Variants in SPATA31E1 observed in about 807,000 individuals in gnomAD.
SPATA31E1 encodes the protein spermatogenesis-associated protein 31E1.
In SPATA31E1, 7 loss-of-function variants were observed where a neutral mutation model predicts 12.9. The observed-to-expected ratio is 0.54, with a 90% CI of 0.31 to 1.02. The LOEUF (loss-of-function observed/expected upper bound fraction) is 1.02. SPATA31E1 is among the 50% of genes least tolerant of loss of function. SPATA31E1 has a pLI of 0.05. For synonymous variants in SPATA31E1, 771 were observed against 719.0 expected (o/e 1.07, Z -1.16); for missense variants, 1,961 against 1,799.8 (o/e 1.09, Z -1.62).
Position 87,884,991 on chromosome 9 carries a change from A to C in SPATA31E1, c.504A>C (p.Pro168=). Reference sequence around the variant, plus strand: ...ACCCCCTGGGGGACGTGTGTAAACCAGTGCCTGCTAAGGCCCACCAGCCGC... The same window carrying C: ...ACCCCCTGGGGGACGTGTGTAAACCCGTGCCTGCTAAGGCCCACCAGCCGC... ...GGDPLGDVCK[P]VPAKAHQPHG... The change falls in exon 4 of 4, where the codon CCA becomes CCC. Residue 168 remains proline (P), a synonymous_variant. Transcript: ENST00000325643. 1 of 1,614,042 alleles carries C rather than the reference A, an allele frequency of 6.2e-7. No individual in the cohort carries two copies. Among genetic ancestry groups the C allele is most frequent in the Non-Finnish European group, 8.5e-7 (1 of 1,179,974 alleles).
At position 87,885,541 on chromosome 9, in the gene SPATA31E1, G is replaced by C; in HGVS notation, c.1054G>C (p.Gly352Arg). The C allele has an allele frequency of 2.5e-6, 4 of 1,614,194 alleles. No individual in the cohort carries two copies. The highest frequency in any genetic ancestry group is 1.1e-5 in the South Asian group (1 of 91,084). The change falls in exon 4 of 4, where the codon GGT becomes CGT. Residue 352 changes from glycine (G) to arginine (R), a missense_variant. Coordinates refer to ENST00000325643, the MANE Select transcript of SPATA31E1 (RefSeq NM_178828.5). ...GDPTPKHMEV[G>R]GCTFIHPDVQ... ...CCCCACACCCAAGCACATGGAGGTA[G>C]GTGGCTGCACATTCATCCACCCTGA... is the stretch of plus-strand genomic sequence containing the variant.
Position 87,887,254 on chromosome 9 carries a change from C to T in SPATA31E1, c.2767C>T (p.Pro923Ser), listed in dbSNP as rs774531463. Residue 923 changes from proline (P) to serine (S), a missense_variant, in exon 4 of 4, where the codon CCA (proline) becomes TCA (serine). By Grantham distance (74) the Pro-to-Ser change is moderately conservative (BLOSUM62 -1). Coordinates refer to ENST00000325643, the MANE Select transcript of SPATA31E1 (RefSeq NM_178828.5). ...VPTVSGPLAAPPPEQEGVQRP... is the reference protein window; with the variant it reads ...VPTVSGPLAASPPEQEGVQRP... ...GACCGTGAGTGGCCCTCTCGCTGCCCCACCGCCTGAGCAGGAGGGAGTCCA... is the reference window on the plus strand; with the variant it reads ...GACCGTGAGTGGCCCTCTCGCTGCCTCACCGCCTGAGCAGGAGGGAGTCCA... 2 of 1,614,016 alleles carry T rather than the reference C, an allele frequency of 1.2e-6. No homozygotes were observed.
rs774121345 is a variant in SPATA31E1 at position 87,884,999 on chromosome 9, C to T, written c.512C>T (p.Ala171Val). ...PLGDVCKPVP[A>V]KAHQPHGKCM... is the part of the protein sequence containing the mutation. Reference sequence around the variant, plus strand: ...GGGGACGTGTGTAAACCAGTGCCTGCTAAGGCCCACCAGCCGCATGGGAAA... The same window carrying T: ...GGGGACGTGTGTAAACCAGTGCCTGTTAAGGCCCACCAGCCGCATGGGAAA... The change falls in exon 4 of 4, where the codon GCT becomes GTT. Residue 171 changes from alanine (A) to valine (V), a missense_variant. Transcript: ENST00000325643. 1.9e-6 allele frequency: 3 copies of T among 1,614,144 alleles called. No individual in the cohort carries two copies. The highest frequency in any genetic ancestry group is 2.5e-6 in the Non-Finnish European group (3 of 1,180,004).
chr9:87,886,615 T>A lies in SPATA31E1; in HGVS notation c.2128T>A (p.Ser710Thr). Residue 710 changes from serine to threonine, a missense_variant, in exon 4 of 4, where the codon TCC (serine) becomes ACC (threonine). Coordinates refer to ENST00000325643, the MANE Select transcript of SPATA31E1 (RefSeq NM_178828.5). ...GRFSDKGCLG[S>T]KLGPDPSRDQ... ...GTTCTCTGACAAGGGGTGCTTAGGGTCCAAACTAGGGCCGGACCCAAGCCG... is the reference window on the plus strand; with the variant it reads ...GTTCTCTGACAAGGGGTGCTTAGGGACCAAACTAGGGCCGGACCCAAGCCG... The A allele has an allele frequency of 6.2e-7, 1 of 1,613,676 alleles. No homozygotes were observed. Among genetic ancestry groups the A allele is most frequent in the Admixed American group, 1.7e-5 (1 of 59,988 alleles).
rs1828321587 is a variant in SPATA31E1, at chr9:87,888,133, G to A, written c.3646G>A (p.Gly1216Arg). 1 of 1,609,214 alleles carries A rather than the reference G, an allele frequency of 6.2e-7. No individual in the cohort carries two copies. Among genetic ancestry groups the A allele is most frequent in the Non-Finnish European group, 8.5e-7 (1 of 1,177,808 alleles). ...AHRRPRTGEQ[G>R]HRSKGPRTSE... ...CAGGAGGCCCAGAACAGGGGAGCAG[G>A]GACACAGGTCCAAGGGACCCAGGAC... The change falls in exon 4 of 4, where the codon GGA (glycine) becomes AGA (arginine). Residue 1216 changes from glycine to arginine, a missense_variant. Transcript: ENST00000325643.
chr9:87,884,564 A>T (rs775270425), intron 2 of SPATA31E1, 27 bp from the exon 3 acceptor site: 1 of 1,613,996 alleles, frequency 6.2e-7, no homozygotes, highest in East Asian at 2.2e-5. Flanking sequence ...CGCCCTCTCC[A>T]CCATAACCCT....
chr9:87,883,447 G>A (rs1828205730), intron 1 of SPATA31E1, among the ~76,000 whole-genome samples: 1 of 152,154 alleles, frequency 6.6e-6, no homozygotes, highest in South Asian at 2.1e-4. Context: ...CGGGTCAGGA[G>A]AGGGGTGAGG....
Position 87,887,242 on chromosome 9 carries a change from C to T in SPATA31E1, c.2755C>T (p.Pro919Ser), listed in dbSNP as rs2117889556. 1 of 1,613,962 alleles carries T rather than the reference C, an allele frequency of 6.2e-7. No individual in the cohort carries two copies. The highest frequency in any genetic ancestry group is 8.5e-7 in the Non-Finnish European group (1 of 1,179,994). Residue 919 changes from proline to serine, a missense_variant, in exon 4 of 4, where the codon CCT (proline) becomes TCT (serine). Pro to Ser is a moderately conservative substitution (Grantham distance 74). Transcript: ENST00000325643. Reference protein sequence around the residue: ...TSKSVPTVSGPLAAPPPEQEG... With the variant: ...TSKSVPTVSGSLAAPPPEQEG... Reference sequence around the variant, plus strand: ...CAAGTCAGTCCCGACCGTGAGTGGCCCTCTCGCTGCCCCACCGCCTGAGCA... The same window carrying T: ...CAAGTCAGTCCCGACCGTGAGTGGCTCTCTCGCTGCCCCACCGCCTGAGCA...
intron 1 of SPATA31E1, 71 bp from the exon 2 acceptor site, chr9:87,883,921 G>A (rs1231913951): frequency 6.5e-6 from 10 of 1,532,820 alleles, no homozygotes; most frequent in African/African-American, 5.5e-5. Context: ...TGAGCACTGC[G>A]TGTGTGCAGC....
chr9:87,884,058 C>G lies in SPATA31E1; in HGVS notation c.364+12C>G, dbSNP rs753459972. ...CTCAGCTCTGAAAGGTGAGGCTCTGCTGCCCCCCGGGACTCCCCAGAGGTA... is the reference window on the plus strand; with the variant it reads ...CTCAGCTCTGAAAGGTGAGGCTCTGGTGCCCCCCGGGACTCCCCAGAGGTA... On this transcript the variant is annotated intron_variant, in intron 2 of 3. Transcript: ENST00000325643. 6.3e-7 allele frequency: 1 copy of G among 1,592,102 alleles called. No individual in the cohort carries two copies. Among genetic ancestry groups the G allele is most frequent in the East Asian group, 2.3e-5 (1 of 44,026 alleles).
chr9:87,888,708 G>A lies in SPATA31E1; in HGVS notation c.4221G>A (p.Arg1407=), dbSNP rs1181683487. Residue 1407 remains arginine (R), a synonymous_variant, in exon 4 of 4, where the codon AGG becomes AGA. Coordinates refer to ENST00000325643, the MANE Select transcript of SPATA31E1 (RefSeq NM_178828.5). ...DRDSSWAPPP[R]EPVSPAGPHH... ...ACAGCAGTTGGGCCCCACCTCCCAG[G>A]GAGCCTGTGTCCCCAGCTGGTCCCC... 5 of 1,613,934 alleles carry A rather than the reference G, an allele frequency of 3.1e-6. No homozygotes were observed. The highest frequency in any genetic ancestry group is 2.5e-6 in the Non-Finnish European group (3 of 1,180,006).
In SPATA31E1 at chr9:87,882,891, G is replaced by T. The variant is rs201386756; in HGVS notation, c.-1G>T. The T allele has an allele frequency of 7.5e-6, 12 of 1,609,438 alleles. No homozygotes were observed. The Admixed American group carries it at 1.0e-4, about 13-fold the overall frequency. On this transcript the variant is annotated 5_prime_UTR_variant, in exon 1 of 4. Transcript: ENST00000325643. ...GCCCAGAGCTCAGTTGCTTGAAGGCGATGGGAAATCTCGTCATCCCTCTAG... is the reference window on the plus strand; with the variant it reads ...GCCCAGAGCTCAGTTGCTTGAAGGCTATGGGAAATCTCGTCATCCCTCTAG...
In SPATA31E1 at chr9:87,886,941, G is replaced by C; in HGVS notation, c.2454G>C (p.Val818=). The part of the protein sequence containing the change: ...LASWRGGKAH[V]NTSQELSFLH... ...CCTGGAGGGGTGGGAAAGCCCACGT[G>C]AACACCTCCCAGGAGCTTTCCTTCC... is the stretch of plus-strand genomic sequence containing the variant. Residue 818 remains valine, a synonymous_variant, in exon 4 of 4, where the codon GTG becomes GTC. Transcript: ENST00000325643. 1.2e-6 allele frequency: 2 copies of C among 1,614,074 alleles called. No individual in the cohort carries two copies. The highest frequency in any genetic ancestry group is 1.7e-6 in the Non-Finnish European group (2 of 1,180,008).
At position 87,883,172 on chromosome 9, in the gene SPATA31E1, C is replaced by T. The variant is rs371936295; in HGVS notation, c.281C>T (p.Pro94Leu). ...GTCCACAGTGACCCACCCTCACCCCCGCCCGGGAGGAAGAGGAGCAGCAGG... is the reference window on the plus strand; with the variant it reads ...GTCCACAGTGACCCACCCTCACCCCTGCCCGGGAGGAAGAGGAGCAGCAGG... ...LYVHSDPPSPPPGRKRSSREP... is the reference protein window; with the variant it reads ...LYVHSDPPSPLPGRKRSSREP... Residue 94 changes from proline to leucine, a missense_variant, in exon 1 of 4, where the codon CCG becomes CTG. Physicochemically the swap from Pro to Leu is moderately conservative, Grantham distance 98. Transcript: ENST00000325643. The T allele has an allele frequency of 8.2e-6, 13 of 1,583,040 alleles. No individual in the cohort carries two copies. Among genetic ancestry groups the T allele is most frequent in the South Asian group, 2.3e-5 (2 of 87,450 alleles).
At position 87,885,953 on chromosome 9, in the gene SPATA31E1, A is replaced by G; in HGVS notation, c.1466A>G (p.Gln489Arg). The change falls in exon 4 of 4, where the codon CAG (glutamine) becomes CGG (arginine). Residue 489 changes from glutamine to arginine, a missense_variant. Gln to Arg is a conservative substitution (Grantham distance 43, BLOSUM62 1). Transcript: ENST00000325643. ...GAACCTGAGGTTGAGGCATCCTCAC[A>G]GCTTTCCCAGGCACCGCCCCAGCCC... is the stretch of plus-strand genomic sequence containing the variant. ...PGEPEVEASS[Q>R]LSQAPPQPHH... The G allele has an allele frequency of 6.2e-7, 1 of 1,613,684 alleles. No homozygotes were observed. Among genetic ancestry groups the G allele is most frequent in the Non-Finnish European group, 8.5e-7 (1 of 1,179,988 alleles).
Position 87,885,960 on chromosome 9 carries a change from C to T in SPATA31E1, c.1473C>T (p.Ser491=), listed in dbSNP as rs1195953555. ...AGGTTGAGGCATCCTCACAGCTTTC[C>T]CAGGCACCGCCCCAGCCCCACCACA... ...EPEVEASSQL[S]QAPPQPHHMA... Residue 491 remains serine, a synonymous_variant, in exon 4 of 4, where the codon TCC becomes TCT. Coordinates refer to ENST00000325643, the MANE Select transcript of SPATA31E1 (RefSeq NM_178828.5). 1 of 1,613,622 alleles carries T rather than the reference C, an allele frequency of 6.2e-7. No homozygotes were observed. Among genetic ancestry groups the T allele is most frequent in the South Asian group, 1.1e-5 (1 of 91,076 alleles).
Position 87,887,310 on chromosome 9 carries a change from T to C in SPATA31E1, c.2823T>C (p.Asp941=), listed in dbSNP as rs747254199. ...QRPPRGSQSA[D]THGRSEAFPT... ...CCCCGAGAGGGTCCCAGTCAGCTGA[T>C]ACCCATGGGCGATCAGAGGCCTTTC... Residue 941 remains aspartate, a synonymous_variant, in exon 4 of 4, where the codon GAT becomes GAC. Transcript: ENST00000325643. The C allele has an allele frequency of 7.4e-6, 12 of 1,613,286 alleles. No individual in the cohort carries two copies. In the African/African-American group the frequency reaches 1.5e-4, roughly 20 times the overall value.
At chr9:87,883,701 A>C (rs1437740481) in intron 1 of SPATA31E1, among the ~76,000 whole-genome samples, 25 of 152,142 alleles carry the variant, frequency 1.6e-4, no homozygotes, top group Admixed American at 1.6e-3. Flanking sequence ...GCAGAATCCT[A>C]CTGGCAGCTC....
In SPATA31E1 at chr9:87,882,978, A is replaced by G. The variant is rs1828194110; in HGVS notation, c.87A>G (p.Pro29=). 1 of 1,611,398 alleles carries G rather than the reference A, an allele frequency of 6.2e-7. No homozygotes were observed. Among genetic ancestry groups the G allele is most frequent in the Non-Finnish European group, 8.5e-7 (1 of 1,179,350 alleles). The change falls in exon 1 of 4, where the codon CCA becomes CCG. Residue 29 remains proline, a synonymous_variant. Transcript: ENST00000325643. ...GGATTCCACCCCCAGCTCCCAGACC[A>G]TCTGTGGAGTGCACAGGAGACGACA... ...GQRIPPPAPR[P]SVECTGDDIA...
Sources: allele counts gnomAD v4.1 joint callset (sites outside exome capture counted in the v4.1 genomes callset), GRCh38; gene constraint gnomAD v4.1.1; transcripts MANE v1.5; gene names NCBI Gene and HGNC (gene_info 2026-07-23, HGNC 2026-07-21).